PIGN: variants seen among roughly 807,000 people sequenced by gnomAD.
PIGN encodes phosphatidylinositol glycan anchor biosynthesis class N.
Under a neutral mutation model 125.4 loss-of-function variants are expected in PIGN, and 117 were observed. That is an observed-to-expected ratio of 0.93 (90% CI 0.80 to 1.09). PIGN has a LOEUF of 1.09. PIGN is among the 50% of genes least tolerant of loss of function. The pLI is 0.00. For synonymous variants in PIGN, 392 were observed against 377.8 expected (o/e 1.04, Z -0.44); for missense variants, 1,075 against 1,094.9 (o/e 0.98, Z 0.26).
intron 7 of PIGN, among the ~76,000 whole-genome samples, chr18:62,152,419 C>G (rs2036571409): frequency 6.6e-6 from 1 of 152,060 alleles, no homozygotes; most frequent in African/African-American, 2.4e-5. Context: ...CCCACTTCCC[C>G]TTATGGCCTG....
intron 8 of PIGN, 30 bp downstream of exon 8, chr18:62,148,184 A>G: frequency 6.7e-7 from 1 of 1,490,576 alleles, no homozygotes; most frequent in East Asian, 2.6e-5. Flanking sequence ...GTTGCCCTAA[A>G]AAATACAATT....
intron 17 of PIGN, among the ~76,000 whole-genome samples, chr18:62,109,533 A>G (rs1406442605): frequency 1.3e-5 from 2 of 152,232 alleles, no homozygotes; most frequent in Non-Finnish European, 2.9e-5. Flanking sequence ...TAGGCATAGT[A>G]TGATCAATAT....
intron 1 of PIGN, among the ~76,000 whole-genome samples, chr18:62,182,940 G>T (rs983389100): frequency 2.6e-5 from 4 of 152,196 alleles, no homozygotes; most frequent in Non-Finnish European, 4.4e-5. Flanking sequence ...GGCTGGGGTA[G>T]TTCCACAGCG....
At chr18:62,080,462 A>G (rs1307610848) in intron 28 of PIGN, among the ~76,000 whole-genome samples, 1 of 152,206 alleles carries the variant, frequency 6.6e-6, no homozygotes, top group African/African-American at 2.4e-5. Flanking sequence ...CTTCCAGTTT[A>G]AAATGAATGT....
intron 14 of PIGN, among the ~76,000 whole-genome samples, chr18:62,128,022 T>C (rs182858819): frequency 3.9e-5 from 6 of 152,278 alleles, no homozygotes; most frequent in Non-Finnish European, 7.4e-5. Context: ...CCTTATGAAA[T>C]TTTCTAACTC....
intron 30 of PIGN, among the ~76,000 whole-genome samples, chr18:62,047,027 A>G (rs2030774757): frequency 6.6e-6 from 1 of 152,238 alleles, no homozygotes. Context: ...CCAAAAAACA[A>G]TAATACCACC....
chr18:62,084,591 A>C lies in PIGN; in HGVS notation c.2442T>G (p.Ser814=). The C allele has an allele frequency of 1.3e-6, 2 of 1,555,414 alleles. No individual in the cohort carries two copies. The highest frequency in any genetic ancestry group is 1.2e-5 in the South Asian group (1 of 84,274). ...TGAACACAGTCAGAAAGCAATAGAC[A>C]GAGGCAAGATCAAAGCTAGGGAATT... ...IASINSFDLA[S]VYCFLTVFSP... The change falls in exon 27 of 31, where the codon TCT becomes TCG. Residue 814 remains serine, a synonymous_variant. Transcript: ENST00000640252.
chr18:62,086,307 T>C (rs2033697687), intron 25 of PIGN, among the ~76,000 whole-genome samples: 1 of 152,142 alleles, frequency 6.6e-6, no homozygotes, highest in Non-Finnish European at 1.5e-5. Context: ...AAATATAGAC[T>C]GGTGGCATAT....
At chr18:62,137,269 G>T (rs900284644) in intron 14 of PIGN, 3 of 412,676 alleles carry the variant, frequency 7.3e-6, no homozygotes, top group Non-Finnish European at 1.3e-5. Flanking sequence ...TTTGCTAGGG[G>T]CTCTCGGGCC....
intron 30 of PIGN, among the ~76,000 whole-genome samples, chr18:62,048,695 C>CTTT (rs71160810): frequency 2.9e-5 from 4 of 139,660 alleles, no homozygotes; most frequent in African/African-American, 1.0e-4. Flanking sequence ...GTTTTCTTTT[C>CTTT]TTTTTTTTTT....
At chr18:62,110,060 C>G in intron 16 of PIGN, 87 bp from the exon 17 acceptor site, 1 of 1,243,626 alleles carries the variant, frequency 8.0e-7, no homozygotes, top group Non-Finnish European at 1.1e-6. Context: ...TAAAGAAAAC[C>G]TATTACTTTC....
At chr18:62,017,903 G>A (rs635401) in intron 23 of PIGN, among the ~76,000 whole-genome samples, 6 of 151,588 alleles carry the variant, frequency 4.0e-5, no homozygotes, top group Non-Finnish European at 8.8e-5. Context: ...ACATTTTATC[G>A]GGCATATTAC....
chr18:62,034,105 T>C (rs2030228669), intron 23 of PIGN, among the ~76,000 whole-genome samples: 2 of 152,210 alleles, frequency 1.3e-5, no homozygotes, highest in African/African-American at 4.8e-5. Context: ...CCTTTGTGTT[T>C]CCCTTATAAC....
chr18:62,081,606 T>C (rs912136138), intron 28 of PIGN, among the ~76,000 whole-genome samples: 6 of 152,172 alleles, frequency 3.9e-5, no homozygotes, highest in African/African-American at 1.4e-4. Context: ...TACATTTTGA[T>C]GAGCCTTCTA....
At chr18:62,157,623 GGTAA>G (rs1311354266) in intron 5 of PIGN, 60 bp downstream of exon 5, 1 of 1,409,978 alleles carries the variant, frequency 7.1e-7, no homozygotes. Context: ...ATGATTAAGT[GGTAA>G]AGGACTAATA....
At chr18:62,160,522 G>GTT (rs1182536711) in intron 4 of PIGN, among the ~76,000 whole-genome samples, 17 of 141,442 alleles carry the variant, frequency 1.2e-4, no homozygotes, top group African/African-American at 4.4e-4. Flanking sequence ...CTTTTTTTTT[G>GTT]TTTTTTTTTT....
chr18:62,027,722 G>A (rs563161766), intron 23 of PIGN, among the ~76,000 whole-genome samples: 3 of 152,174 alleles, frequency 2.0e-5, no homozygotes, highest in South Asian at 2.1e-4. Flanking sequence ...ATTTTGGGTC[G>A]CCAAGATTTA....
chr18:62,055,583 T>C (rs1318271140), intron 30 of PIGN, among the ~76,000 whole-genome samples: 1 of 152,182 alleles, frequency 6.6e-6, no homozygotes, highest in Non-Finnish European at 1.5e-5. Flanking sequence ...ACAGTTTCAA[T>C]GTCAACATCC....
chr18:62,178,177 G>C (rs2037592077), intron 1 of PIGN, among the ~76,000 whole-genome samples: 2 of 152,082 alleles, frequency 1.3e-5, no homozygotes, highest in Admixed American at 1.3e-4. Flanking sequence ...AGTCCCCACA[G>C]CTGCTGCCAT....
Sources: gnomAD v4.1 joint callset for allele counts (sites outside exome capture counted in the v4.1 genomes callset) on GRCh38, gnomAD v4.1.1 for gene constraint, MANE v1.5 for transcripts, NCBI Gene and HGNC (gene_info 2026-07-23, HGNC 2026-07-21) for gene names.